Variants in RALYL observed in about 807,000 individuals in gnomAD.
RALYL encodes the protein RNA-binding Raly-like protein.
A neutral mutation model predicts 35.1 loss-of-function variants in RALYL; 29 were observed. The ratio of observed to expected loss-of-function variants is 0.83; its 90% CI spans 0.61 to 1.13. The LOEUF is 1.13. Among genes scored for constraint, RALYL ranks in the 50% most tolerant of loss-of-function variants. The pLI is 0.00. For missense variants in RALYL, 359 were observed against 360.4 expected (o/e 1.00, Z 0.03); for synonymous variants, 120 against 127.6 (o/e 0.94, Z 0.40).
chr8:84,424,712 G>A (rs2046132216), intron 1 of RALYL, among the ~76,000 whole-genome samples: 1 of 152,056 alleles, frequency 6.6e-6, no homozygotes, highest in Non-Finnish European at 1.5e-5. Flanking sequence ...TGATGGTGAT[G>A]TACAGGTGGG....
intron 1 of RALYL, among the ~76,000 whole-genome samples, chr8:84,425,724 G>A (rs561688572): frequency 1.5e-4 from 23 of 151,860 alleles, no homozygotes; most frequent in Admixed American, 3.3e-4. Flanking sequence ...CCAGAAACAT[G>A]ATCAATCCAA....
chr8:84,378,661 G>C (rs1423618243), intron 1 of RALYL, among the ~76,000 whole-genome samples: 1 of 151,700 alleles, frequency 6.6e-6, no homozygotes, highest in East Asian at 1.9e-4. Flanking sequence ...ACAGAGTCTA[G>C]AATTATGATA....
intron 2 of RALYL, among the ~76,000 whole-genome samples, chr8:84,617,272 C>T (rs1819981483): frequency 6.6e-6 from 1 of 151,722 alleles, no homozygotes; most frequent in South Asian, 2.1e-4. Context: ...TTTCCTTGAG[C>T]AGTGGATTGT....
At chr8:84,751,530 C>G (rs1481313344) in intron 2 of RALYL, among the ~76,000 whole-genome samples, 1 of 151,932 alleles carries the variant, frequency 6.6e-6, no homozygotes. Flanking sequence ...TTTTTTGTCC[C>G]CAAGATGATA....
chr8:84,631,317 T>C (rs1252528787), intron 2 of RALYL, among the ~76,000 whole-genome samples: 1 of 151,976 alleles, frequency 6.6e-6, no homozygotes, highest in African/African-American at 2.4e-5. Flanking sequence ...AATCATTCAG[T>C]TTATTTTTTG....
At chr8:84,428,525 G>T (rs1175051910) in intron 1 of RALYL, among the ~76,000 whole-genome samples, 2 of 152,232 alleles carry the variant, frequency 1.3e-5, no homozygotes, top group Non-Finnish European at 2.9e-5. Context: ...TGATGTAAAT[G>T]GATGTAGTCA....
rs1359875639 is a variant in RALYL, at chr8:84,184,964, C to T, written c.-24+540C>T. On this transcript the variant is annotated intron_variant, in intron 1 of 8. Transcript: ENST00000521268. ...CCAGAGCCTTGAGGATGGCACCGGC[C>T]CTCGCACGCTCAACTCCTGCTCCTC... The T allele has an allele frequency of 4.3e-6, 7 of 1,613,346 alleles. No homozygotes were observed. The African/African-American group carries it at 5.3e-5, about 12-fold the overall frequency.
intron 1 of RALYL, among the ~76,000 whole-genome samples, chr8:84,212,861 A>C (rs540505282): frequency 6.6e-6 from 1 of 152,344 alleles, no homozygotes; most frequent in Non-Finnish European, 1.5e-5. Flanking sequence ...TATCTTAAAA[A>C]AATTTTTAAG....
At chr8:84,213,166 G>T (rs796602490) in intron 1 of RALYL, among the ~76,000 whole-genome samples, 1 of 152,092 alleles carries the variant, frequency 6.6e-6, no homozygotes, top group Non-Finnish European at 1.5e-5. Context: ...CGAGGCGGGC[G>T]GGTCACCTGA....
chr8:84,689,221 C>T (rs189234233), intron 2 of RALYL, among the ~76,000 whole-genome samples: 16 of 152,232 alleles, frequency 1.1e-4, no homozygotes, highest in Admixed American at 9.8e-4. Flanking sequence ...AATGCTATCC[C>T]TCCCCCAACC....
chr8:84,840,902 C>T (rs1334115822), intron 4 of RALYL, among the ~76,000 whole-genome samples: 1 of 152,108 alleles, frequency 6.6e-6, no homozygotes, highest in East Asian at 1.9e-4. Context: ...AAATCCTTTA[C>T]AGACAAGCAA....
chr8:84,580,044 A>G (rs1810464472), intron 2 of RALYL, among the ~76,000 whole-genome samples: 1 of 152,198 alleles, frequency 6.6e-6, no homozygotes, highest in Non-Finnish European at 1.5e-5. Context: ...ATTTTACATA[A>G]TTTTTGGAAC....
intron 2 of RALYL, among the ~76,000 whole-genome samples, chr8:84,597,975 A>T (rs1814987974): frequency 6.6e-6 from 1 of 152,140 alleles, no homozygotes; most frequent in African/African-American, 2.4e-5. Context: ...TTTTACTGAT[A>T]TTCTGTCACC....
chr8:84,740,119 G>A (rs565646698), intron 2 of RALYL, among the ~76,000 whole-genome samples: 2 of 152,066 alleles, frequency 1.3e-5, no homozygotes, highest in Admixed American at 6.6e-5. Flanking sequence ...ACTTATGAAC[G>A]AGCAGATGGA....
chr8:84,391,834 T>C (rs1364870042), intron 1 of RALYL, among the ~76,000 whole-genome samples: 1 of 152,050 alleles, frequency 6.6e-6, no homozygotes, highest in Non-Finnish European at 1.5e-5. Flanking sequence ...AGTGAGCTGA[T>C]GCTGCCACTC....
chr8:84,320,602 G>T (rs185818304), intron 1 of RALYL, among the ~76,000 whole-genome samples: 206 of 152,048 alleles, frequency 1.4e-3, no homozygotes, highest in African/African-American at 4.6e-3. Flanking sequence ...GTTAGTTGTT[G>T]GCTTTTGAAG....
intron 1 of RALYL, among the ~76,000 whole-genome samples, chr8:84,231,617 TA>T (rs770174105): frequency 5.3e-5 from 8 of 152,212 alleles, no homozygotes; most frequent in African/African-American, 1.7e-4. Context: ...TTTCTGTTTT[TA>T]AAACATATTT....
At chr8:84,584,570 T>C (rs1811569657) in intron 2 of RALYL, among the ~76,000 whole-genome samples, 1 of 150,506 alleles carries the variant, frequency 6.6e-6, no homozygotes, top group Admixed American at 6.6e-5. Context: ...GCCACTGCAC[T>C]CCAGCCTGGC....
At chr8:84,490,981 A>G (rs1342718947) in intron 1 of RALYL, among the ~76,000 whole-genome samples, 3 of 151,912 alleles carry the variant, frequency 2.0e-5, no homozygotes. Context: ...TTTTAAGCAG[A>G]GTTGAAGACC....
Sources: allele counts gnomAD v4.1 joint callset (sites outside exome capture counted in the v4.1 genomes callset), GRCh38; gene constraint gnomAD v4.1.1; transcripts MANE v1.5; gene names NCBI Gene and HGNC (gene_info 2026-07-23, HGNC 2026-07-21).